The following GRIK4 variants were observed in gnomAD, a reference collection of about 807,000 sequenced individuals.
GRIK4 encodes glutamate ionotropic receptor kainate type subunit 4, also known as glutamate receptor ionotropic, kainate 4.
In GRIK4, 40 loss-of-function variants were observed where a neutral mutation model predicts 104.9. That is an observed-to-expected ratio of 0.38 (90% confidence interval 0.30 to 0.50). The LOEUF (loss-of-function observed/expected upper bound fraction) is 0.50. Ranked by LOEUF, GRIK4 falls within the 20% of genes least tolerant of loss-of-function variation. The pLI is 0.93. For synonymous variants in GRIK4, 485 were observed against 524.9 expected (o/e 0.92, Z 1.04); for missense variants, 1,047 against 1,308.1 (o/e 0.80, Z 3.08).
At chr11:120,542,956 T>C (rs1376906563) in intron 1 of GRIK4, among the ~76,000 whole-genome samples, 4 of 152,372 alleles carry the variant, frequency 2.6e-5, no homozygotes, top group African/African-American at 2.4e-5. Flanking sequence ...GGTCCATTGT[T>C]ACAACAACCC....
At chr11:120,820,327 A>G (rs1329010775) in intron 6 of GRIK4, among the ~76,000 whole-genome samples, 2 of 152,162 alleles carry the variant, frequency 1.3e-5, no homozygotes, top group Non-Finnish European at 2.9e-5. Flanking sequence ...AAAGAGAGAG[A>G]GGGAACATAT....
intron 1 of GRIK4, among the ~76,000 whole-genome samples, chr11:120,602,438 A>G (rs1351562630): frequency 6.6e-6 from 1 of 152,146 alleles, no homozygotes; most frequent in Non-Finnish European, 1.5e-5. Context: ...CCACCTGAAG[A>G]GGAAGGAAGG....
Position 120,511,895 on chromosome 11 carries a change from C to A in GRIK4, c.-159+8C>A. The A allele has an allele frequency of 5.9e-6, 1 of 168,858 alleles. No homozygotes were observed. Among genetic ancestry groups the A allele is most frequent in the Admixed American group, 6.6e-5 (1 of 15,240 alleles). 10.5% of individuals were successfully genotyped at this position (168,858 alleles called of 1,614,324 possible). A position where few individuals can be genotyped will look rare whatever the true frequency, so the allele number is the denominator to read the frequency against. ...GAGTGCGGAGCCGACCAGGTAAGGG[C>A]AGCGGCCCCCCGCGGCGCCCCCGGC... is the stretch of plus-strand genomic sequence containing the variant. On this transcript the variant is annotated splice_region_variant and intron_variant, in intron 1 of 20. Coordinates refer to ENST00000527524, the MANE Select transcript of GRIK4 (RefSeq NM_014619.5).
Position 120,986,228 on chromosome 11 carries a change from G to A in GRIK4, c.2839G>A (p.Glu947Lys). The A allele has an allele frequency of 6.4e-7, 1 of 1,567,140 alleles. No homozygotes were observed. The highest frequency in any genetic ancestry group is 8.6e-7 in the Non-Finnish European group (1 of 1,165,850). Reference protein sequence around the residue: ...PARSEESLEWEKTTNSSEPE With the variant: ...PARSEESLEWKKTTNSSEPE ...CCGCAGCGAGGAGAGCCTGGAGTGG[G>A]AGAAAACCACCAACAGCAGCGAGCC... Residue 947 changes from glutamate to lysine, a missense_variant, in exon 21 of 21, where the codon GAG becomes AAG. By Grantham distance (56) the Glu-to-Lys change is moderately conservative (BLOSUM62 1). Coordinates refer to ENST00000527524, the MANE Select transcript of GRIK4 (RefSeq NM_014619.5).
Position 120,831,915 on chromosome 11 carries a change from G to C in GRIK4, c.575G>C (p.Arg192Pro). Residue 192 changes from arginine (R) to proline (P), a missense_variant, in exon 7 of 21, where the codon CGC becomes CCC. Physicochemically the swap from Arg to Pro is moderately radical, Grantham distance 103. Coordinates refer to ENST00000527524, the MANE Select transcript of GRIK4 (RefSeq NM_014619.5). ...ATCTCCAAGGACACGCTGTCCGTCC[G>C]CATGCTGGATGACACCCGGGACCCC... ...FLISKDTLSVRMLDDTRDPTP... is the reference protein window; with the variant it reads ...FLISKDTLSVPMLDDTRDPTP... 6.2e-7 allele frequency: 1 copy of C among 1,613,772 alleles called. No individual in the cohort carries two copies. The highest frequency in any genetic ancestry group is 8.5e-7 in the Non-Finnish European group (1 of 1,179,814).
chr11:120,885,560 A>T (rs1408752843), intron 11 of GRIK4, among the ~76,000 whole-genome samples: 2 of 151,918 alleles, frequency 1.3e-5, no homozygotes, highest in African/African-American at 2.4e-5. Context: ...TAATTTTTGT[A>T]TTTTAGTAGA....
At chr11:120,653,847 G>C (rs776872427) in intron 2 of GRIK4, 55 bp downstream of exon 2, 1 of 152,272 alleles carries the variant, frequency 6.6e-6, no homozygotes, top group African/African-American at 2.4e-5. Context: ...CTCTGAGGGG[G>C]GCAGCTGCTC....
intron 3 of GRIK4, among the ~76,000 whole-genome samples, chr11:120,680,707 T>G (rs2135285909): frequency 6.6e-6 from 1 of 152,294 alleles, no homozygotes; most frequent in East Asian, 1.9e-4. Flanking sequence ...AAACAGGGAC[T>G]AACTGAGCTA....
intron 4 of GRIK4, among the ~76,000 whole-genome samples, chr11:120,804,872 C>T (rs1005263705): frequency 3.9e-5 from 6 of 152,176 alleles, no homozygotes; most frequent in African/African-American, 1.4e-4. Flanking sequence ...GGGTCTACTC[C>T]CAGTCCCTCC....
At chr11:120,688,533 G>A (rs796352986) in intron 3 of GRIK4, among the ~76,000 whole-genome samples, 12 of 152,146 alleles carry the variant, frequency 7.9e-5, no homozygotes, top group Non-Finnish European at 2.9e-5. Context: ...GCATTCACTG[G>A]GATGAGGAAT....
chr11:120,561,989 T>C (rs1948244009), intron 1 of GRIK4, among the ~76,000 whole-genome samples: 1 of 152,212 alleles, frequency 6.6e-6, no homozygotes, highest in Non-Finnish European at 1.5e-5. Context: ...AAGGATGTCG[T>C]GTTCTTCCTC....
intron 18 of GRIK4, among the ~76,000 whole-genome samples, chr11:120,965,367 A>G (rs1944364625): frequency 1.3e-5 from 2 of 152,194 alleles, no homozygotes. Context: ...ACCACCTAAC[A>G]ACATCTGTTA....
Position 120,920,274 on chromosome 11 carries a change from G to A in GRIK4, c.1476+14781G>A, listed in dbSNP as rs1239799154. Among the ~76,000 whole-genome samples, 2 of 152,124 alleles carry A rather than the reference G, an allele frequency of 1.3e-5. 1 individual carries two copies. Among genetic ancestry groups the A allele is most frequent in the South Asian group, 4.1e-4 (2 of 4,826 alleles). On this transcript the variant is annotated intron_variant, in intron 13 of 20. Coordinates refer to ENST00000527524, the MANE Select transcript of GRIK4 (RefSeq NM_014619.5). Reference sequence around the variant, plus strand: ...TGTAGCGTGCCTGCACTTTGTGGACGCTCTGTGAGTGTTCGCTCTCTCCTC... The same window carrying A: ...TGTAGCGTGCCTGCACTTTGTGGACACTCTGTGAGTGTTCGCTCTCTCCTC...
intron 3 of GRIK4, among the ~76,000 whole-genome samples, chr11:120,684,525 A>G (rs922685119): frequency 6.6e-6 from 1 of 152,376 alleles, no homozygotes; most frequent in East Asian, 1.9e-4. Flanking sequence ...AGTGAATGAC[A>G]GTGCAAGACC....
intron 3 of GRIK4, among the ~76,000 whole-genome samples, chr11:120,714,342 A>G (rs926307790): frequency 6.6e-6 from 1 of 152,212 alleles, no homozygotes; most frequent in Non-Finnish European, 1.5e-5. Context: ...TTTCAGAAGG[A>G]AAGGACTAAC....
chr11:120,920,507 G>A (rs531933442), intron 13 of GRIK4, among the ~76,000 whole-genome samples: 37 of 152,250 alleles, frequency 2.4e-4, no homozygotes, highest in African/African-American at 7.9e-4. Context: ...CCACAGCAGC[G>A]TCATTCATCA....
intron 6 of GRIK4, among the ~76,000 whole-genome samples, chr11:120,829,757 G>A (rs1402132469): frequency 1.3e-5 from 2 of 152,178 alleles, no homozygotes; most frequent in African/African-American, 4.8e-5. Context: ...GCTTTGAAGA[G>A]GTTAGACAAC....
intron 4 of GRIK4, among the ~76,000 whole-genome samples, chr11:120,812,258 TGAG>T (rs1952844937): frequency 6.6e-6 from 1 of 152,104 alleles, no homozygotes; most frequent in Non-Finnish European, 1.5e-5. Flanking sequence ...GCTTTGAGCT[TGAG>T]GAGATAAGAG....
At chr11:120,951,153 A>G (rs12361041) in intron 14 of GRIK4, among the ~76,000 whole-genome samples, 39,687 of 152,108 alleles carry the variant, frequency 0.26, 5,379 homozygotes, top group East Asian at 0.36. Context: ...GAGTATTTCC[A>G]TCCTCTCCGT....
Sources: gnomAD v4.1 joint callset for allele counts (sites outside exome capture counted in the v4.1 genomes callset) on GRCh38, gnomAD v4.1.1 for gene constraint, MANE v1.5 for transcripts, NCBI Gene and HGNC (gene_info 2026-07-23, HGNC 2026-07-21) for gene names.